MEFV: variants seen among roughly 807,000 people sequenced by gnomAD.
The protein encoded by MEFV is MEFV innate immunity regulator, pyrin, also known as pyrin.
In MEFV, 60 loss-of-function variants were observed where a neutral mutation model predicts 62.5. That is an observed-to-expected ratio of 0.96 (90% CI 0.78 to 1.19). The LOEUF is 1.19. MEFV is among the 50% of genes most tolerant of loss of function. The pLI, the probability that MEFV is intolerant of heterozygous loss-of-function variation, is 0.00. For missense variants in MEFV, 1,169 were observed against 1,004.5 expected (o/e 1.16, Z -2.21); for synonymous variants, 500 against 415.2 (o/e 1.20, Z -2.48).
intron 1 of MEFV, 33 bp from the exon 2 acceptor site, chr16:3,254,823 C>G: frequency 3.7e-6 from 6 of 1,606,972 alleles, no homozygotes; most frequent in Non-Finnish European, 5.1e-6. Flanking sequence ...AATGATGAAG[C>G]TGTCCCACGT....
chr16:3,251,632 T>C (rs1371246109), intron 2 of MEFV, among the ~76,000 whole-genome samples: 4 of 152,140 alleles, frequency 2.6e-5, no homozygotes, highest in South Asian at 2.1e-4. Context: ...CTTTAGCCAA[T>C]AGGCTTTTCT....
chr16:3,253,540 G>T (rs1252626703), intron 2 of MEFV, among the ~76,000 whole-genome samples: 1 of 152,056 alleles, frequency 6.6e-6, no homozygotes, highest in Non-Finnish European at 1.5e-5. Context: ...AAGAGACAGG[G>T]TCTTGCTCTG....
chr16:3,254,688 TTCCCCTCGG>T lies in MEFV; in HGVS notation c.371_379del (p.Pro124_Asn127delinsHis). 1.9e-6 allele frequency: 3 copies of T among 1,612,502 alleles called. No individual in the cohort carries two copies. The highest frequency in any genetic ancestry group is 2.5e-6 in the Non-Finnish European group (3 of 1,179,922). The stretch of plus-strand genomic sequence containing the variant: ...GTACGGCCGAGGGCCGTTCCCCTCG[TTCCCCTCGG>T]GGTGGTCTGGAGTCTTCAGGCTCCT... On this transcript the variant is annotated inframe_deletion, in exon 2 of 10. Transcript: ENST00000219596.
rs1959088588 is a variant in MEFV, at chr16:3,254,627, G to A, written c.441C>T (p.Pro147=). ...TCCTCGACAGCCCCCTCCCGGCCTC[G>A]GGCTGGCTGCACCGCAGGCTGGCAG... ...GGAASLRCSQ[P]EAGRGLSRKP... The change falls in exon 2 of 10, where the codon CCC becomes CCT. Residue 147 remains proline (P), a synonymous_variant. Coordinates refer to ENST00000219596, the MANE Select transcript of MEFV (RefSeq NM_000243.3). 3 of 1,605,246 alleles carry A rather than the reference G, an allele frequency of 1.9e-6. No homozygotes were observed. The highest frequency in any genetic ancestry group is 1.1e-5 in the South Asian group (1 of 90,854).
rs941389477 is a variant in MEFV at position 3,245,431 on chromosome 16, C to T, written c.1611-843G>A. 3.3e-5 allele frequency among the ~76,000 whole-genome samples: 5 copies of T among 152,196 alleles called. No individual in the cohort carries two copies. The East Asian group carries it at 9.7e-4, about 29-fold the overall frequency. Reference sequence around the variant, plus strand: ...CCAAGGTGGGTGGATCACTTGAGGTCAGGAGTTTGAGACCAGCCTGGCTAA... The same window carrying T: ...CCAAGGTGGGTGGATCACTTGAGGTTAGGAGTTTGAGACCAGCCTGGCTAA... On this transcript the variant is annotated intron_variant, in intron 6 of 9. Transcript: ENST00000219596.
chr16:3,251,307 G>A (rs1959028916), intron 2 of MEFV, among the ~76,000 whole-genome samples: 1 of 152,168 alleles, frequency 6.6e-6, no homozygotes, highest in South Asian at 2.1e-4. Flanking sequence ...GGATGTAAAT[G>A]GAGGTGTCAC....
rs545139017 is a variant in MEFV, at chr16:3,243,699, A to C, written c.1793-5T>G. The C allele has an allele frequency of 6.2e-7, 1 of 1,610,782 alleles. No homozygotes were observed. The highest frequency in any genetic ancestry group is 2.2e-5 in the East Asian group (1 of 44,850). On this transcript the variant is annotated splice_region_variant and splice_polypyrimidine_tract_variant and intron_variant, in intron 9 of 9. Transcript: ENST00000219596. ...CTGCATCCAGAATCACATTAACTGC[A>C]AAGAAAATTTGAATACCTAGGTAGG... is the stretch of plus-strand genomic sequence containing the variant.
Position 3,243,540 on chromosome 16 carries a change from G to C in MEFV, c.1947C>G (p.Leu649=). ...CCACCTCCCAGTAACGGCGGCCAGA[G>C]AGGAAACTCGGAGAGCCCAGAACAA... The part of the protein sequence containing the change: ...CIIVLGSPSF[L]SGRRYWEVEV... The change falls in exon 10 of 10, where the codon CTC becomes CTG. Residue 649 remains leucine, a synonymous_variant. Transcript: ENST00000219596. 3 of 1,613,744 alleles carry C rather than the reference G, an allele frequency of 1.9e-6. No individual in the cohort carries two copies. The highest frequency in any genetic ancestry group is 2.2e-5 in the East Asian group (1 of 44,876).
intron 4 of MEFV, 156 bp from the exon 5 acceptor site, chr16:3,247,402 T>C: frequency 3.2e-6 from 2 of 633,756 alleles, no homozygotes; most frequent in Non-Finnish European, 5.5e-6. Flanking sequence ...CGATATTGTC[T>C]GGAACCTTCC....
intron 4 of MEFV, chr16:3,248,666 C>A: frequency 1.6e-6 from 2 of 1,280,066 alleles, no homozygotes; most frequent in South Asian, 3.1e-5. Flanking sequence ...AGGTTGCTCT[C>A]TACCATCTTC....
In MEFV at chr16:3,244,603, C is replaced by G; in HGVS notation, c.1611-15G>C. 6.2e-7 allele frequency: 1 copy of G among 1,605,010 alleles called. No individual in the cohort carries two copies. The highest frequency in any genetic ancestry group is 8.5e-7 in the Non-Finnish European group (1 of 1,172,378). On this transcript the variant is annotated splice_polypyrimidine_tract_variant and intron_variant, in intron 6 of 9. Transcript: ENST00000219596. ...CTGTCTTAGCCCTAGAGACAAAAGA[C>G]TGTTGACCAGAGAAGGCCGGAGCGA...
intron 1 of MEFV, 104 bp from the exon 2 acceptor site, chr16:3,254,894 T>C (rs1000206830): frequency 3.8e-6 from 6 of 1,583,578 alleles, no homozygotes; most frequent in Admixed American, 1.7e-5. Flanking sequence ...AGTTTAGAAA[T>C]TGAGGAAAAC....
intron 5 of MEFV, 51 bp from the exon 6 acceptor site, chr16:3,246,598 G>T: frequency 5.0e-6 from 8 of 1,607,350 alleles, no homozygotes; most frequent in Non-Finnish European, 6.8e-6. Flanking sequence ...TAGTGGCTGG[G>T]CTGACTCCTG....
Position 3,256,628 on chromosome 16 carries a change from TG to T in MEFV, c.-42del. On this transcript the variant is annotated 5_prime_UTR_variant, in exon 1 of 10. Transcript: ENST00000219596. ...AGGCTCGAGCCAGCTGTCTGGCTTC[TG>T]GTAGGAAAAGAAGCCTCTGTCCTTG... is the stretch of plus-strand genomic sequence containing the variant. The T allele has an allele frequency of 6.2e-7, 1 of 1,613,602 alleles. No homozygotes were observed. The highest frequency in any genetic ancestry group is 8.5e-7 in the Non-Finnish European group (1 of 1,179,986).
chr16:3,251,771 T>C (rs903042817), intron 2 of MEFV, among the ~76,000 whole-genome samples: 7 of 152,276 alleles, frequency 4.6e-5, no homozygotes, highest in Middle Eastern at 3.4e-3. Flanking sequence ...ATAAACCCCT[T>C]GGATTCTAAA....
rs939784581 is a variant in MEFV, at chr16:3,243,961, T to C, written c.1760-69A>G. On this transcript the variant is annotated intron_variant, in intron 8 of 9. Coordinates refer to ENST00000219596, the MANE Select transcript of MEFV (RefSeq NM_000243.3). ...CATTAAGAGGGGCTAAATTACACTG[T>C]CCTGACAACAAGGAAAGACAAGGAA... 3 of 1,599,886 alleles carry C rather than the reference T, an allele frequency of 1.9e-6. No homozygotes were observed. The African/African-American group carries it at 4.0e-5, about 21-fold the overall frequency.
intron 1 of MEFV, among the ~76,000 whole-genome samples, chr16:3,255,191 C>G (rs893959336): frequency 6.6e-6 from 1 of 152,052 alleles, no homozygotes; most frequent in African/African-American, 2.4e-5. Flanking sequence ...GTGGTGCGCA[C>G]CTGTAGTCCC....
At position 3,254,145 on chromosome 16, in the gene MEFV, G is replaced by C. The variant is rs1373639699; in HGVS notation, c.910+13C>G. ...TCTGCAGCCGATATAAAGTAGGAAAGAACACAATTTACCGGTGACCGAATG... is the reference window on the plus strand; with the variant it reads ...TCTGCAGCCGATATAAAGTAGGAAACAACACAATTTACCGGTGACCGAATG... On this transcript the variant is annotated intron_variant, in intron 2 of 9. Coordinates refer to ENST00000219596, the MANE Select transcript of MEFV (RefSeq NM_000243.3). The C allele has an allele frequency of 6.2e-6, 10 of 1,613,648 alleles. No individual in the cohort carries two copies. The highest frequency in any genetic ancestry group is 8.5e-6 in the Non-Finnish European group (10 of 1,179,822).
intron 2 of MEFV, among the ~76,000 whole-genome samples, chr16:3,250,193 C>T (rs986305162): frequency 1.3e-5 from 2 of 152,148 alleles, no homozygotes; most frequent in East Asian, 1.9e-4. Context: ...TTGTGTACCT[C>T]GCTCCTAGCT....
Sources: allele counts gnomAD v4.1 joint callset (sites outside exome capture counted in the v4.1 genomes callset), GRCh38; gene constraint gnomAD v4.1.1; transcripts MANE v1.5; gene names NCBI Gene and HGNC (gene_info 2026-07-23, HGNC 2026-07-21).